Variants in THOC7 observed in about 807,000 individuals in gnomAD.
THOC7 encodes THO complex subunit 7, also known as NIF3L1-binding protein 1.
Under a neutral mutation model 33.1 loss-of-function variants are expected in THOC7, and 22 were observed. That is an observed-to-expected ratio of 0.66 (90% confidence interval 0.47 to 0.95). THOC7 has a LOEUF of 0.95. Among genes scored for constraint, THOC7 ranks in the 40% least tolerant of loss-of-function variants. The probability of loss-of-function intolerance (pLI) is 0.00; values close to 1 mark genes in which losing one functional copy is unlikely to be tolerated. For missense variants in THOC7, 184 were observed against 245.3 expected, an observed-to-expected ratio of 0.75 and a Z score of 1.67; for synonymous variants, 77 against 76.8, an observed-to-expected ratio of 1.00 and a Z score of -0.01.
chr3:63,853,130 G>A (rs1253925866), intron 1 of THOC7, among the ~76,000 whole-genome samples: 1 of 150,408 alleles, frequency 6.6e-6, no homozygotes, highest in Admixed American at 6.6e-5. Flanking sequence ...TAGCCCGGGT[G>A]GCAGAATGAG....
At chr3:63,838,265 C>A in intron 3 of THOC7, 107 bp downstream of exon 3, 2 of 949,836 alleles carry the variant, frequency 2.1e-6, no homozygotes, top group Non-Finnish European at 3.1e-6. Flanking sequence ...TCCATTAATA[C>A]AGTAATTGTT....
rs1702292002 is a variant in THOC7, at chr3:63,863,554, CT to C, written c.19+217del. ...AGAGCGGACGGGGAAAGCCGAGGGT[CT>C]CCGAGGGGCGCTCGGGCTCTGGCGA... On this transcript the variant is annotated intron_variant, in intron 1 of 7. Transcript: ENST00000295899. 8 of 1,196,340 alleles carry C rather than the reference CT, an allele frequency of 6.7e-6. No individual in the cohort carries two copies. The South Asian group carries it at 3.0e-4, about 45-fold the overall frequency. 74.1% of individuals were successfully genotyped at this position (1,196,340 alleles called of 1,614,324 possible). A position where few individuals can be genotyped will look rare whatever the true frequency, so the allele number is the denominator to read the frequency against.
At chr3:63,850,486 TC>T (rs1701997234) in intron 1 of THOC7, among the ~76,000 whole-genome samples, 5 of 151,084 alleles carry the variant, frequency 3.3e-5, no homozygotes, top group Admixed American at 2.7e-4. Flanking sequence ...CAAGCGTGAG[TC>T]ACCATGCCTG....
At chr3:63,856,752 AC>A (rs1485417901) in intron 1 of THOC7, among the ~76,000 whole-genome samples, 2 of 151,366 alleles carry the variant, frequency 1.3e-5, no homozygotes, top group Non-Finnish European at 2.9e-5. Flanking sequence ...AGAGTCTTGC[AC>A]TGTTGCCCAG....
rs143337118 is a variant in THOC7 at position 63,842,354 on chromosome 3, A to G, written c.20-2581T>C. On this transcript the variant is annotated intron_variant, in intron 1 of 7. Transcript: ENST00000295899. Reference sequence around the variant, plus strand: ...TGTGGAGAAAGCAGAACCCTTATACACTATTGGTGGAATGTAAATTAGTAC... The same window carrying G: ...TGTGGAGAAAGCAGAACCCTTATACGCTATTGGTGGAATGTAAATTAGTAC... 3.3e-3 allele frequency among the ~76,000 whole-genome samples: 499 copies of G among 152,278 alleles called. 3 individuals are homozygous for G. The highest frequency in any genetic ancestry group is 0.014 in the Middle Eastern group (4 of 294).
intron 1 of THOC7, chr3:63,846,237 A>G (rs764257098): frequency 2.8e-4 from 128 of 451,442 alleles, no homozygotes; most frequent in Admixed American, 4.1e-4. Flanking sequence ...GCAGTTAAAC[A>G]GTTTCCTTAT....
chr3:63,859,379 A>C (rs1702166841), intron 1 of THOC7, among the ~76,000 whole-genome samples: 1 of 152,202 alleles, frequency 6.6e-6, no homozygotes, highest in East Asian at 1.9e-4. Context: ...CTCCTTTTGC[A>C]TCGTACTCCT....
In THOC7 at chr3:63,834,010, A is replaced by ATTTC; in HGVS notation, c.*121_*122insGAAA. On this transcript the variant is annotated 3_prime_UTR_variant, in exon 8 of 8. Coordinates refer to ENST00000295899, the MANE Select transcript of THOC7 (RefSeq NM_025075.4). ...GGAAATATGAATGAAATACATTCATACTTAAAAACAGAGTATTTTACTGCC... is the reference window on the plus strand; with the variant it reads ...GGAAATATGAATGAAATACATTCATATTTCCTTAAAAACAGAGTATTTTACTGCC... The ATTTC allele has an allele frequency of 1.2e-6, 1 of 838,730 alleles. No homozygotes were observed. Among genetic ancestry groups the ATTTC allele is most frequent in the Non-Finnish European group, 1.8e-6 (1 of 543,848 alleles). 52.0% of individuals were successfully genotyped at this position (838,730 alleles called of 1,614,324 possible).
intron 1 of THOC7, among the ~76,000 whole-genome samples, chr3:63,851,860 G>A (rs969177485): frequency 3.3e-5 from 5 of 152,108 alleles, no homozygotes; most frequent in East Asian, 1.9e-4. Flanking sequence ...TTCTAGAATC[G>A]AGAATAAAGC....
intron 2 of THOC7, 123 bp from the exon 3 acceptor site, chr3:63,838,622 T>A: frequency 1.0e-6 from 1 of 983,476 alleles, no homozygotes; most frequent in Non-Finnish European, 1.5e-6. Context: ...CATTTGCTTA[T>A]TTAAAATTTA....
intron 1 of THOC7, among the ~76,000 whole-genome samples, chr3:63,859,127 C>T (rs1446292430): frequency 6.6e-6 from 1 of 152,208 alleles, no homozygotes; most frequent in Non-Finnish European, 1.5e-5. Context: ...TTCTATCTTC[C>T]ACACTAACAT....
intron 1 of THOC7, chr3:63,863,370 T>C: frequency 1.1e-6 from 1 of 902,026 alleles, no homozygotes; most frequent in Non-Finnish European, 1.3e-6. Flanking sequence ...TGTCCACCCT[T>C]CGCGGCTCCT....
intron 2 of THOC7, 67 bp from the exon 3 acceptor site, chr3:63,838,566 GCAGA>G (rs1701684830): frequency 7.0e-7 from 1 of 1,432,262 alleles, no homozygotes; most frequent in Non-Finnish European, 9.4e-7. Flanking sequence ...CTGTTATAAT[GCAGA>G]CAAATATTTG....
At chr3:63,859,159 T>G (rs1702163142) in intron 1 of THOC7, among the ~76,000 whole-genome samples, 1 of 152,200 alleles carries the variant, frequency 6.6e-6, no homozygotes, top group Non-Finnish European at 1.5e-5. Flanking sequence ...AAGCCCACAT[T>G]TCTCTCATCT....
At chr3:63,852,965 A>G (rs1702045325) in intron 1 of THOC7, among the ~76,000 whole-genome samples, 1 of 152,138 alleles carries the variant, frequency 6.6e-6, no homozygotes, top group Non-Finnish European at 1.5e-5. Flanking sequence ...AGGCTGGCCA[A>G]AATGTTGAAG....
At position 63,836,360 on chromosome 3, in the gene THOC7, T is replaced by G; in HGVS notation, c.353-2A>C. On this transcript the variant is annotated splice_acceptor_variant, in intron 4 of 7. Transcript: ENST00000295899. LOFTEE classifies it high-confidence loss of function. ...TCACTTTTGCCAAAGCATCATATTC[T>G]GTAAGACATAAAAATATTTATCAAA... 1 of 1,611,820 alleles carries G rather than the reference T, an allele frequency of 6.2e-7. No individual in the cohort carries two copies. Among genetic ancestry groups the G allele is most frequent in the Non-Finnish European group, 8.5e-7 (1 of 1,178,736 alleles).
At chr3:63,851,305 G>A (rs997022929) in intron 1 of THOC7, among the ~76,000 whole-genome samples, 1 of 152,188 alleles carries the variant, frequency 6.6e-6, no homozygotes, top group African/African-American at 2.4e-5. Flanking sequence ...TCAGAATGAT[G>A]GCAACTGATA....
chr3:63,854,865 G>A (rs1190099081), intron 1 of THOC7: 4 of 151,866 alleles, frequency 2.6e-5, no homozygotes, highest in African/African-American at 9.7e-5. Flanking sequence ...AAAATTAGCC[G>A]GGCGTAGTGG....
intron 1 of THOC7, among the ~76,000 whole-genome samples, chr3:63,857,753 T>G (rs970470501): frequency 6.6e-6 from 1 of 152,138 alleles, no homozygotes; most frequent in Non-Finnish European, 1.5e-5. Context: ...CCAAGGTAAA[T>G]TACGTGCACC....
Sources: gnomAD v4.1 joint callset for allele counts (sites outside exome capture counted in the v4.1 genomes callset) on GRCh38, gnomAD v4.1.1 for gene constraint, MANE v1.5 for transcripts, NCBI Gene and HGNC (gene_info 2026-07-23, HGNC 2026-07-21) for gene names.